Variants in CABIN1 observed in about 807,000 individuals in gnomAD.
CABIN1 encodes calcineurin binding protein 1, also known as calcineurin-binding protein cabin-1.
Under a neutral mutation model 227.7 loss-of-function variants are expected in CABIN1, and 133 were observed. The ratio of observed to expected loss-of-function variants is 0.58; its 90% CI spans 0.51 to 0.67. CABIN1 has a LOEUF of 0.67. Ranked by LOEUF, CABIN1 falls within the 30% of genes least tolerant of loss-of-function variation. CABIN1 has a pLI of 0.00. For synonymous variants in CABIN1, 1,086 were observed against 1,155.1 expected (o/e 0.94, Z 1.21); for missense variants, 2,408 against 2,852.5 (o/e 0.84, Z 3.55).
At chr22:24,033,121 T>G (rs2036611252) in intron 1 of CABIN1, among the ~76,000 whole-genome samples, 1 of 152,170 alleles carries the variant, frequency 6.6e-6, no homozygotes, top group African/African-American at 2.4e-5. Flanking sequence ...TCCAAACTTT[T>G]GATTAGCAGT....
At chr22:24,052,790 CAAAA>C (rs933884374) in intron 8 of CABIN1, among the ~76,000 whole-genome samples, 8 of 95,462 alleles carry the variant, frequency 8.4e-5, no homozygotes, top group Non-Finnish European at 1.1e-4. Context: ...ACCCCCATCT[CAAAA>C]AAAAAAAAAA....
At chr22:24,149,868 C>T (rs1380824729) in intron 29 of CABIN1, among the ~76,000 whole-genome samples, 1 of 152,242 alleles carries the variant, frequency 6.6e-6, no homozygotes, top group Non-Finnish European at 1.5e-5. Context: ...AGGAGCCTAC[C>T]TGGCTATATT....
At chr22:24,107,541 C>T (rs1028185620) in intron 26 of CABIN1, among the ~76,000 whole-genome samples, 36 of 152,178 alleles carry the variant, frequency 2.4e-4, no homozygotes, top group African/African-American at 8.2e-4. Context: ...AATTGGTGGT[C>T]GTTCTTCAGG....
rs569558736 is a variant in CABIN1 at position 24,110,176 on chromosome 22, T to A, written c.4118-3390T>A. Among the ~76,000 whole-genome samples the A allele has an allele frequency of 2.3e-3, 353 of 152,148 alleles. 2 individuals carry two copies. The highest frequency in any genetic ancestry group is 1.8e-3 in the Non-Finnish European group (124 of 67,976). On this transcript the variant is annotated intron_variant, in intron 26 of 36. Transcript: ENST00000263119. Reference sequence around the variant, plus strand: ...ACACAAGACCCTGTCTCAAAAAAAATTTTTTTTAAGTTCTATTTTATCTCT... The same window carrying A: ...ACACAAGACCCTGTCTCAAAAAAAAATTTTTTTAAGTTCTATTTTATCTCT...
chr22:24,149,093 T>C (rs2267065), intron 29 of CABIN1, among the ~76,000 whole-genome samples: 12,947 of 152,228 alleles, frequency 0.085, 679 homozygotes, highest in East Asian at 0.3. Context: ...GGTGCCTGAT[T>C]ACCATGATGA....
intron 1 of CABIN1, among the ~76,000 whole-genome samples, chr22:24,012,637 G>T (rs573428346): frequency 7.1e-4 from 108 of 152,244 alleles, no homozygotes; most frequent in African/African-American, 2.5e-3. Flanking sequence ...TATTCTAAGG[G>T]GTTTGGAAAC....
Position 24,076,110 on chromosome 22 carries a change from C to G in CABIN1, c.2633-59C>G. 3 of 1,269,236 alleles carry G rather than the reference C, an allele frequency of 2.4e-6. No individual in the cohort carries two copies. In the South Asian group the frequency reaches 3.6e-5, roughly 15 times the overall value. 78.6% of individuals were successfully genotyped at this position (1,269,236 alleles called of 1,614,324 possible). On this transcript the variant is annotated intron_variant, in intron 18 of 36. Transcript: ENST00000263119. ...AAAGAGGAGACTGAGCCTCGCAGCCCCTGCAGGCACGCAGGTTCCCACACT... is the reference window on the plus strand; with the variant it reads ...AAAGAGGAGACTGAGCCTCGCAGCCGCTGCAGGCACGCAGGTTCCCACACT...
intron 1 of CABIN1, among the ~76,000 whole-genome samples, chr22:24,029,848 GC>G (rs1223708125): frequency 6.6e-6 from 1 of 152,148 alleles, no homozygotes; most frequent in Non-Finnish European, 1.5e-5. Context: ...CTACAAGTAT[GC>G]CTCAGTTCAG....
chr22:24,112,956 G>T (rs1189418034), intron 26 of CABIN1, among the ~76,000 whole-genome samples: 2 of 152,026 alleles, frequency 1.3e-5, no homozygotes, highest in Non-Finnish European at 2.9e-5. Flanking sequence ...TTCCCTCTTT[G>T]CCCCGCCCCT....
intron 29 of CABIN1, among the ~76,000 whole-genome samples, chr22:24,136,118 T>A (rs1376033580): frequency 6.6e-6 from 1 of 152,186 alleles, no homozygotes; most frequent in Non-Finnish European, 1.5e-5. Flanking sequence ...AACTGTTTCT[T>A]GTCTCATGTG....
intron 21 of CABIN1, 71 bp downstream of exon 21, chr22:24,084,856 A>T (rs2041045547): frequency 1.9e-6 from 3 of 1,571,012 alleles, no homozygotes; most frequent in Non-Finnish European, 2.6e-6. Context: ...ACTGCTGTAT[A>T]TGCTCCTTTG....
rs1022269909 is a variant in CABIN1, at chr22:24,047,027, G to T, written c.527-2064G>T. Among the ~76,000 whole-genome samples the T allele has an allele frequency of 4.4e-4, 67 of 152,148 alleles. 2 individuals are homozygous for T. On this transcript the variant is annotated intron_variant, in intron 6 of 36. Coordinates refer to ENST00000263119, the MANE Select transcript of CABIN1 (RefSeq NM_012295.4). ...ATGAGGCCCCCCCACATTAGGGAGG[G>T]CGATCTGCTTTACTCAGTCTACTGA... is the stretch of plus-strand genomic sequence containing the variant.
At chr22:24,160,293 T>G (rs1399484681) in intron 29 of CABIN1, 1 of 152,394 alleles carries the variant, frequency 6.6e-6, no homozygotes, top group East Asian at 1.9e-4. Context: ...GGCCTGCTCC[T>G]CTTGCTTACC....
At chr22:24,070,706 C>T (rs1019557801) in intron 16 of CABIN1, 94 bp from the exon 17 acceptor site, 43 of 1,574,568 alleles carry the variant, frequency 2.7e-5, no homozygotes, top group Middle Eastern at 1.7e-4. Flanking sequence ...TTTTGCTGCC[C>T]CTCATCTGTT....
chr22:24,070,876 A>G lies in CABIN1; in HGVS notation c.2309A>G (p.Gln770Arg), dbSNP rs746192290. 18 of 1,614,138 alleles carry G rather than the reference A, an allele frequency of 1.1e-5. No individual in the cohort carries two copies. The highest frequency in any genetic ancestry group is 1.4e-5 in the Non-Finnish European group (17 of 1,180,050). Residue 770 changes from glutamine (Q) to arginine (R), a missense_variant, in exon 17 of 37, where the codon CAG (glutamine) becomes CGG (arginine). Transcript: ENST00000263119. ...GTGGCTCTGAACGAGGCTGTCCAGC[A>G]GATGGTGAACTCAGGTGAGGCTGCC... ...SDVALNEAVQ[Q>R]MVNSGEAAAK...
At chr22:24,130,775 T>G (rs1403120897) in intron 28 of CABIN1, among the ~76,000 whole-genome samples, 1 of 152,166 alleles carries the variant, frequency 6.6e-6, no homozygotes, top group Non-Finnish European at 1.5e-5. Context: ...CTGGACACTT[T>G]GTGCCTTAGC....
At chr22:24,050,173 AG>A (rs1376526304) in intron 7 of CABIN1, among the ~76,000 whole-genome samples, 1 of 152,206 alleles carries the variant, frequency 6.6e-6, no homozygotes, top group East Asian at 1.9e-4. Context: ...CCTCTCCTGA[AG>A]GAACTACCTG....
In CABIN1 at chr22:24,169,265, T is replaced by C. The variant is rs555235059; in HGVS notation, c.5757+744T>C. On this transcript the variant is annotated intron_variant, in intron 33 of 36. Transcript: ENST00000263119. ...ATAAGCCTCCAAGCCAGAGGGTAGG[T>C]GGCATGCCATTTGAGTAGGTGCAGT... 2.0e-5 allele frequency among the ~76,000 whole-genome samples: 3 copies of C among 152,152 alleles called. No individual in the cohort carries two copies. In the East Asian group the frequency reaches 5.8e-4, roughly 29 times the overall value.
At chr22:24,045,135 A>G (rs192601453) in intron 6 of CABIN1, among the ~76,000 whole-genome samples, 46 of 152,320 alleles carry the variant, frequency 3.0e-4, no homozygotes, top group Admixed American at 4.6e-4. Flanking sequence ...CGTGTTAGCC[A>G]GGATGTTCTT....
Sources: allele counts gnomAD v4.1 joint callset (sites outside exome capture counted in the v4.1 genomes callset), GRCh38; gene constraint gnomAD v4.1.1; transcripts MANE v1.5; gene names NCBI Gene and HGNC (gene_info 2026-07-23, HGNC 2026-07-21).